The following ACAP2 variants were observed in gnomAD, a reference collection of about 807,000 sequenced individuals.
ACAP2 encodes arf-GAP with coiled-coil, ANK repeat and PH domain-containing protein 2.
Under a neutral mutation model 115.8 loss-of-function variants are expected in ACAP2, and 39 were observed. The ratio of observed to expected loss-of-function variants is 0.34; its 90% CI spans 0.26 to 0.44. ACAP2 has a LOEUF of 0.44. ACAP2 is among the 20% of genes least tolerant of loss of function. The pLI is 1.00. For missense variants in ACAP2, 662 were observed against 927.6 expected (o/e 0.71, Z 3.72); for synonymous variants, 289 against 315.8 (o/e 0.92, Z 0.90).
At chr3:195,365,566 C>T (rs1055771057) in intron 4 of ACAP2, among the ~76,000 whole-genome samples, 111 of 149,184 alleles carry the variant, frequency 7.4e-4, no homozygotes, top group African/African-American at 2.6e-3. Flanking sequence ...GACCTTGTCT[C>T]TAAAAAAAAA....
chr3:195,421,567 T>C (rs150481520), intron 1 of ACAP2, among the ~76,000 whole-genome samples: 90 of 152,344 alleles, frequency 5.9e-4, no homozygotes, highest in African/African-American at 2.1e-3. Flanking sequence ...GCAGTACTAG[T>C]AATGCATTAG....
At chr3:195,301,154 C>T (rs888933099) in intron 15 of ACAP2, among the ~76,000 whole-genome samples, 7 of 151,630 alleles carry the variant, frequency 4.6e-5, no homozygotes, top group African/African-American at 7.3e-5. Flanking sequence ...GGCGCGATCT[C>T]GGCTCACTGC....
intron 1 of ACAP2, among the ~76,000 whole-genome samples, chr3:195,407,203 A>T (rs911825298): frequency 1.3e-5 from 1 of 75,330 alleles, no homozygotes; most frequent in African/African-American, 5.5e-5. Context: ...TTTAGTTTAA[A>T]AAAAAAAAAA....
chr3:195,321,610 C>CTTTTTTTTTTTTTTTTTT (rs1040767924), intron 9 of ACAP2, among the ~76,000 whole-genome samples: 1 of 99,334 alleles, frequency 1.0e-5, no homozygotes. Flanking sequence ...ATGGTAGTTC[C>CTTTTTTTTTTTTTTTTTT]TTTTTTTTTT....
chr3:195,437,708 G>A (rs147893171), intron 1 of ACAP2, among the ~76,000 whole-genome samples: 2,460 of 150,732 alleles, frequency 0.016, 35 homozygotes, highest in Non-Finnish European at 0.021. Context: ...CCAGCTACTC[G>A]GGAGGCTGAG....
chr3:195,437,639 C>A (rs946284794), intron 1 of ACAP2, among the ~76,000 whole-genome samples: 24 of 151,776 alleles, frequency 1.6e-4, no homozygotes, highest in African/African-American at 5.6e-4. Context: ...CATAGTGAAA[C>A]CCCGTCTCTA....
At chr3:195,307,166 T>C (rs1728478022) in intron 12 of ACAP2, 57 bp downstream of exon 12, 1 of 1,429,596 alleles carries the variant, frequency 7.0e-7, no homozygotes. Flanking sequence ...TGGAAAGTTA[T>C]TTAAGACAAA....
In ACAP2 at chr3:195,277,392, T is replaced by A. The variant is rs1468602296; in HGVS notation, c.*1936A>T. 1 of 152,226 alleles carries A rather than the reference T, an allele frequency of 6.6e-6. No homozygotes were observed. The highest frequency in any genetic ancestry group is 1.5e-5 in the Non-Finnish European group (1 of 68,038). 9.4% of individuals were successfully genotyped at this position (152,226 alleles called of 1,614,324 possible). On this transcript the variant is annotated 3_prime_UTR_variant, in exon 23 of 23. Transcript: ENST00000326793. ...GAGGTGAAACAGCAAAGATAAAGAT[T>A]TAATGTTCCTGTTATTGTTATAATT...
intron 4 of ACAP2, among the ~76,000 whole-genome samples, chr3:195,359,222 CAAG>C (rs1232094566): frequency 1.3e-5 from 2 of 152,114 alleles, no homozygotes; most frequent in Non-Finnish European, 1.5e-5. Context: ...GATTAATGAG[CAAG>C]AAGAAATCAT....
chr3:195,393,918 C>T (rs1039458009), intron 1 of ACAP2, among the ~76,000 whole-genome samples: 2 of 150,508 alleles, frequency 1.3e-5, no homozygotes, highest in African/African-American at 4.9e-5. Context: ...AAATTATATG[C>T]ATAGCATGAG....
intron 4 of ACAP2, among the ~76,000 whole-genome samples, chr3:195,363,073 T>C (rs537864706): frequency 1.0e-3 from 157 of 152,228 alleles, no homozygotes; most frequent in Non-Finnish European, 1.6e-3. Flanking sequence ...CCAAAAAAAC[T>C]ATTACAACTG....
At chr3:195,303,996 C>T (rs1380594764) in intron 13 of ACAP2, among the ~76,000 whole-genome samples, 3 of 151,438 alleles carry the variant, frequency 2.0e-5, no homozygotes, top group Non-Finnish European at 4.4e-5. Context: ...CCTGTCTCTA[C>T]TAAAAATACA....
intron 2 of ACAP2, among the ~76,000 whole-genome samples, chr3:195,391,444 TCA>T (rs1445986585): frequency 6.6e-6 from 1 of 151,502 alleles, no homozygotes; most frequent in Non-Finnish European, 1.5e-5. Context: ...CAGACTGGTC[TCA>T]AACTCCTGAC....
chr3:195,324,454 A>C (rs1436182100), intron 9 of ACAP2, among the ~76,000 whole-genome samples: 1 of 152,022 alleles, frequency 6.6e-6, no homozygotes, highest in Non-Finnish European at 1.5e-5. Context: ...ACACACAAAA[A>C]CCCAATTAAA....
chr3:195,285,599 G>T lies in ACAP2; in HGVS notation c.2236+197C>A, dbSNP rs1440189107. On this transcript the variant is annotated intron_variant, in intron 22 of 22. Transcript: ENST00000326793. Reference sequence around the variant, plus strand: ...TAGGAAGAGTTACGAATGTTTAAAGGCCCGGGATTAGCCACCCAAGGATTC... The same window carrying T: ...TAGGAAGAGTTACGAATGTTTAAAGTCCCGGGATTAGCCACCCAAGGATTC... 5.7e-6 allele frequency: 3 copies of T among 529,256 alleles called. No individual in the cohort carries two copies. The South Asian group carries it at 8.6e-5, about 15-fold the overall frequency. The allele number at this position is 529,256 out of a possible 1,614,324, so 32.8% of individuals were successfully genotyped here. A position where few individuals can be genotyped will look rare whatever the true frequency, so the allele number is the denominator to read the frequency against.
At chr3:195,349,217 C>T (rs1207471062) in intron 4 of ACAP2, among the ~76,000 whole-genome samples, 1 of 152,118 alleles carries the variant, frequency 6.6e-6, no homozygotes, top group African/African-American at 2.4e-5. Context: ...CGCTGTGGCT[C>T]ACGCCTGTAA....
At chr3:195,349,820 A>G (rs1731431719) in intron 4 of ACAP2, 1 of 354,704 alleles carries the variant, frequency 2.8e-6, no homozygotes. Context: ...GCCATGAAGG[A>G]GATGGGAATT....
At chr3:195,381,296 G>T (rs1733923022) in intron 3 of ACAP2, among the ~76,000 whole-genome samples, 1 of 152,076 alleles carries the variant, frequency 6.6e-6, no homozygotes, top group African/African-American at 2.4e-5. Flanking sequence ...CCCTTCAACG[G>T]TATTATGCTA....
At chr3:195,434,337 A>G (rs1172356580) in intron 1 of ACAP2, among the ~76,000 whole-genome samples, 2 of 152,094 alleles carry the variant, frequency 1.3e-5, no homozygotes, top group African/African-American at 4.8e-5. Flanking sequence ...GGCTCAAGCA[A>G]TCCTCCCATC....
Sources: allele counts gnomAD v4.1 joint callset (sites outside exome capture counted in the v4.1 genomes callset), GRCh38; gene constraint gnomAD v4.1.1; transcripts MANE v1.5; gene names NCBI Gene and HGNC (gene_info 2026-07-23, HGNC 2026-07-21).